Variants in CACNA2D3 observed in about 807,000 individuals in gnomAD.
CACNA2D3 encodes the protein voltage-dependent calcium channel subunit alpha-2/delta-3.
Under a neutral mutation model 160.6 loss-of-function variants are expected in CACNA2D3, and 60 were observed. The observed-to-expected ratio is 0.37, with a 90% CI of 0.30 to 0.46. The LOEUF (loss-of-function observed/expected upper bound fraction) is 0.46. CACNA2D3 is among the 20% of genes least tolerant of loss of function. CACNA2D3 has a pLI of 1.00. For synonymous variants in CACNA2D3, 558 were observed against 492.9 expected, an observed-to-expected ratio of 1.13 and a Z score of -1.75; for missense variants, 1,205 against 1,365.0, an observed-to-expected ratio of 0.88 and a Z score of 1.85.
intron 4 of CACNA2D3, among the ~76,000 whole-genome samples, chr3:54,425,182 A>C (rs1183704889): frequency 6.6e-6 from 1 of 152,168 alleles, no homozygotes; most frequent in Non-Finnish European, 1.5e-5. Context: ...ATACAAAAAA[A>C]TTAGCCAGGC....
intron 2 of CACNA2D3, among the ~76,000 whole-genome samples, chr3:54,171,021 G>A (rs1272651999): frequency 1.3e-5 from 2 of 151,572 alleles, no homozygotes; most frequent in Admixed American, 6.6e-5. Context: ...AGGAGAAAGC[G>A]TGTGGACCAA....
chr3:54,663,407 C>T (rs1208752473), intron 11 of CACNA2D3, among the ~76,000 whole-genome samples: 2 of 152,170 alleles, frequency 1.3e-5, no homozygotes, highest in Non-Finnish European at 2.9e-5. Flanking sequence ...CTTCATGGCC[C>T]TGGGCCTCTC....
intron 5 of CACNA2D3, among the ~76,000 whole-genome samples, chr3:54,515,497 G>A (rs929801339): frequency 6.6e-6 from 1 of 152,202 alleles, no homozygotes; most frequent in African/African-American, 2.4e-5. Context: ...CCAGGTGCTA[G>A]CTTTCTCTGC....
chr3:54,568,790 A>G (rs929090128), intron 6 of CACNA2D3, among the ~76,000 whole-genome samples: 8 of 152,322 alleles, frequency 5.3e-5, no homozygotes, highest in East Asian at 1.9e-4. Flanking sequence ...ACAGAACCCA[A>G]TATCTCTTTG....
At chr3:54,811,465 C>CTTTTTTTTTTTTTTTTTTT (rs71096451) in intron 13 of CACNA2D3, among the ~76,000 whole-genome samples, 3 of 111,556 alleles carry the variant, frequency 2.7e-5, no homozygotes, top group Non-Finnish European at 3.6e-5. Flanking sequence ...TCCCTCAGTT[C>CTTTTTTTTTTTTTTTTTTT]TTTTTTTTTT....
chr3:54,752,076 G>A (rs1026435703), intron 11 of CACNA2D3, among the ~76,000 whole-genome samples: 2 of 152,126 alleles, frequency 1.3e-5, no homozygotes, highest in African/African-American at 4.8e-5. Flanking sequence ...TAGATCTCCT[G>A]GCCACAGGCT....
chr3:54,646,194 G>GCTTCCTTCCTTCCTTC lies in CACNA2D3; in HGVS notation c.1167+3992_1167+4007dup, dbSNP rs1169806180. ...TCCCTCCCTCCCTCCCTCCTTCCTTGCTTCCTTCCTTCCTTCCTTCCTTCC... is the reference window on the plus strand; with the variant it reads ...TCCCTCCCTCCCTCCCTCCTTCCTTGCTTCCTTCCTTCCTTCCTTCCTTCCTTCCTTCCTTCCTTCC... On this transcript the variant is annotated intron_variant, in intron 11 of 37. Coordinates refer to ENST00000474759, the MANE Select transcript of CACNA2D3 (RefSeq NM_018398.3). Among the ~76,000 whole-genome samples the GCTTCCTTCCTTCCTTC allele has an allele frequency of 4.5e-3, 60 of 13,450 alleles. 1 individual carries two copies. The highest frequency in any genetic ancestry group is 0.016 in the East Asian group (10 of 608). 8.8% of individuals were successfully genotyped at this position (13,450 alleles called of 152,430 possible).
chr3:54,624,483 G>A (rs1222114265), intron 9 of CACNA2D3, among the ~76,000 whole-genome samples: 1 of 152,136 alleles, frequency 6.6e-6, no homozygotes, highest in Non-Finnish European at 1.5e-5. Context: ...TTAGCCAGGC[G>A]TGGTGGCGGG....
At chr3:54,677,945 A>G (rs1251512386) in intron 11 of CACNA2D3, among the ~76,000 whole-genome samples, 1 of 152,138 alleles carries the variant, frequency 6.6e-6, no homozygotes, top group Non-Finnish European at 1.5e-5. Flanking sequence ...TGAGGGACAC[A>G]TGTGTGATGA....
intron 21 of CACNA2D3, among the ~76,000 whole-genome samples, chr3:54,882,128 T>G (rs1165870763): frequency 6.6e-6 from 1 of 152,190 alleles, no homozygotes; most frequent in East Asian, 1.9e-4. Flanking sequence ...AGCAAGACAC[T>G]CTGCAGGATG....
At chr3:54,258,212 A>T (rs183654960) in intron 2 of CACNA2D3, among the ~76,000 whole-genome samples, 17 of 152,288 alleles carry the variant, frequency 1.1e-4, no homozygotes, top group Admixed American at 4.6e-4. Context: ...ATATTTATTT[A>T]TTATGGCATT....
chr3:54,668,878 C>G (rs1700113165), intron 11 of CACNA2D3, among the ~76,000 whole-genome samples: 1 of 152,192 alleles, frequency 6.6e-6, no homozygotes, highest in Non-Finnish European at 1.5e-5. Context: ...GGCACAAGTG[C>G]CTTCTGTGAG....
chr3:54,688,494 A>G (rs1285406531), intron 11 of CACNA2D3, among the ~76,000 whole-genome samples: 1 of 152,008 alleles, frequency 6.6e-6, no homozygotes, highest in Non-Finnish European at 1.5e-5. Context: ...AGAAAGGTAG[A>G]TTATTGAGTG....
chr3:54,375,245 G>A (rs908041660), intron 3 of CACNA2D3, among the ~76,000 whole-genome samples: 5 of 152,084 alleles, frequency 3.3e-5, no homozygotes, highest in Admixed American at 3.3e-4. Context: ...TTGTCTACTG[G>A]TTTCTTTCCC....
At chr3:54,822,809 T>C (rs1469340052) in intron 14 of CACNA2D3, among the ~76,000 whole-genome samples, 1 of 123,244 alleles carries the variant, frequency 8.1e-6, no homozygotes, top group Non-Finnish European at 1.6e-5. Flanking sequence ...CTTTCTTTCT[T>C]TCTTTCTTTC....
At position 55,052,433 on chromosome 3, in the gene CACNA2D3, T is replaced by A. The variant is rs28804176; in HGVS notation, c.2988-21012T>A. Among the ~76,000 whole-genome samples, 8 of 141,260 alleles carry A rather than the reference T, an allele frequency of 5.7e-5. No homozygotes were observed. The East Asian group carries it at 1.6e-3, about 29-fold the overall frequency. 92.7% of individuals were successfully genotyped at this position (141,260 alleles called of 152,430 possible). ...ATATGTTTGTGTGTATATATACACATATATATGTATATACCTGTGTGTGTA... is the reference window on the plus strand; with the variant it reads ...ATATGTTTGTGTGTATATATACACAAATATATGTATATACCTGTGTGTGTA... On this transcript the variant is annotated intron_variant, in intron 35 of 37. Transcript: ENST00000474759.
chr3:54,449,418 T>C (rs1006382752), intron 4 of CACNA2D3, among the ~76,000 whole-genome samples: 47 of 152,240 alleles, frequency 3.1e-4, no homozygotes, highest in African/African-American at 1.1e-3. Flanking sequence ...TTTGCTAATT[T>C]GGTGTTTTAA....
At chr3:54,188,264 CAAACA>C (rs1348146616) in intron 2 of CACNA2D3, among the ~76,000 whole-genome samples, 31 of 146,438 alleles carry the variant, frequency 2.1e-4, no homozygotes, top group African/African-American at 7.6e-4. Context: ...AACAAACAAA[CAAACA>C]AAAAAACCAG....
chr3:54,884,036 C>G (rs1699870258), intron 21 of CACNA2D3, among the ~76,000 whole-genome samples: 2 of 152,030 alleles, frequency 1.3e-5, no homozygotes, highest in African/African-American at 4.8e-5. Context: ...GGCCTAGAAT[C>G]ATACCTGGCA....
Sources: allele counts gnomAD v4.1 joint callset (sites outside exome capture counted in the v4.1 genomes callset), GRCh38; gene constraint gnomAD v4.1.1; transcripts MANE v1.5; gene names NCBI Gene and HGNC (gene_info 2026-07-23, HGNC 2026-07-21).